ERC2: variants seen among roughly 807,000 people sequenced by gnomAD.
ERC2 encodes ELKS/RAB6-interacting/CAST family member 2, also known as ERC protein 2.
ERC2 carries 42 observed loss-of-function variants against 114.8 expected under a neutral mutation model. The observed-to-expected ratio is 0.37, with a 90% CI of 0.29 to 0.47. The LOEUF (loss-of-function observed/expected upper bound fraction) is 0.47. Among genes scored for constraint, ERC2 ranks in the 20% least tolerant of loss-of-function variants. ERC2 has a pLI of 0.99. For synonymous variants in ERC2, 454 were observed against 425.5 expected (o/e 1.07, Z -0.82); for missense variants, 939 against 1,150.7 (o/e 0.82, Z 2.66).
chr3:56,218,391 G>T (rs1047805570), intron 3 of ERC2, among the ~76,000 whole-genome samples: 95 of 152,302 alleles, frequency 6.2e-4, no homozygotes, highest in African/African-American at 2.2e-3. Context: ...ATGAAAAAAT[G>T]CTCATCATCA....
chr3:56,262,572 T>C (rs2053014054), intron 3 of ERC2, among the ~76,000 whole-genome samples: 1 of 152,244 alleles, frequency 6.6e-6, no homozygotes, highest in Non-Finnish European at 1.5e-5. Flanking sequence ...TCATGGTAGC[T>C]GTCAATTTTA....
At chr3:56,455,277 C>A (rs551950511) in intron 1 of ERC2, among the ~76,000 whole-genome samples, 2 of 148,782 alleles carry the variant, frequency 1.3e-5, no homozygotes, top group African/African-American at 5.1e-5. Context: ...GAAAAAAAAA[C>A]AACTGACATG....
chr3:56,319,557 ACTTTACACCTATAG>A (rs1301120526), intron 2 of ERC2, among the ~76,000 whole-genome samples: 1 of 152,182 alleles, frequency 6.6e-6, no homozygotes, highest in East Asian at 1.9e-4. Flanking sequence ...CTGCTGCACA[ACTTTACACCTATAG>A]CTAACCATAT....
intron 6 of ERC2, among the ~76,000 whole-genome samples, chr3:56,088,910 T>G (rs1256691923): frequency 6.6e-6 from 1 of 152,182 alleles, no homozygotes; most frequent in Non-Finnish European, 1.5e-5. Flanking sequence ...TTTCACAGCC[T>G]CTAATTCAGT....
At chr3:56,129,047 T>A (rs574434243) in intron 6 of ERC2, among the ~76,000 whole-genome samples, 1 of 152,352 alleles carries the variant, frequency 6.6e-6, no homozygotes, top group South Asian at 2.1e-4. Context: ...CTTGCAATAA[T>A]GCCAAACTCC....
chr3:56,139,788 A>T (rs775179150), intron 5 of ERC2, 112 bp from the exon 6 acceptor site: 14 of 1,181,094 alleles, frequency 1.2e-5, no homozygotes, highest in African/African-American at 3.1e-5. Flanking sequence ...ATAATCCAAC[A>T]AGGCAGGCCA....
At chr3:56,467,044 C>T (rs529300140) in intron 1 of ERC2, 1 of 152,250 alleles carries the variant, frequency 6.6e-6, no homozygotes, top group South Asian at 2.1e-4. Context: ...ATGGGGAGGA[C>T]AAGGAAACAC....
At chr3:55,948,970 CTT>C (rs1263289464) in intron 13 of ERC2, among the ~76,000 whole-genome samples, 1 of 152,182 alleles carries the variant, frequency 6.6e-6, no homozygotes, top group African/African-American at 2.4e-5. Flanking sequence ...TGCCTTGACT[CTT>C]TAACTCTCAC....
intron 17 of ERC2, among the ~76,000 whole-genome samples, chr3:55,528,891 G>C (rs1559602957): frequency 6.6e-6 from 1 of 152,180 alleles, no homozygotes. Flanking sequence ...GGGGTGGGGA[G>C]GGATATGGGG....
At chr3:56,036,571 C>A (rs1337666449) in intron 7 of ERC2, among the ~76,000 whole-genome samples, 4 of 152,080 alleles carry the variant, frequency 2.6e-5, no homozygotes, top group Non-Finnish European at 5.9e-5. Flanking sequence ...GCTGAGGTAT[C>A]CAGGTTCTCT....
intron 1 of ERC2, among the ~76,000 whole-genome samples, chr3:56,467,591 C>T (rs1331123187): frequency 6.6e-6 from 1 of 151,996 alleles, no homozygotes; most frequent in Non-Finnish European, 1.5e-5. Flanking sequence ...GTAAGTATCC[C>T]TTTTTTTGTA....
chr3:55,597,377 G>A (rs570577438), intron 17 of ERC2, among the ~76,000 whole-genome samples: 20 of 147,200 alleles, frequency 1.4e-4, no homozygotes, highest in African/African-American at 4.3e-4. Flanking sequence ...CCCAGACCGC[G>A]CCACTGCACT....
chr3:55,698,546 T>A (rs2063054800), intron 16 of ERC2, among the ~76,000 whole-genome samples: 1 of 152,204 alleles, frequency 6.6e-6, no homozygotes, highest in Admixed American at 6.5e-5. Flanking sequence ...GAGTGCATAC[T>A]TATCCAGATG....
intron 14 of ERC2, 28 bp from the exon 15 acceptor site, chr3:55,734,946 T>C (rs2065529181): frequency 6.7e-7 from 1 of 1,500,588 alleles, no homozygotes. Flanking sequence ...ATTGAGATCA[T>C]TTTTGTAAAA....
chr3:56,131,583 G>A (rs567703302), intron 6 of ERC2, among the ~76,000 whole-genome samples: 2 of 152,256 alleles, frequency 1.3e-5, no homozygotes, highest in East Asian at 3.9e-4. Flanking sequence ...TTTGAAGGCT[G>A]AACTGATTAA....
At chr3:55,518,266 A>G (rs2052672068) in intron 17 of ERC2, among the ~76,000 whole-genome samples, 1 of 152,234 alleles carries the variant, frequency 6.6e-6, no homozygotes, top group Admixed American at 6.5e-5. Flanking sequence ...TGTACAGTAT[A>G]TGCATACATG....
chr3:56,002,753 T>A (rs1336810284), intron 10 of ERC2, among the ~76,000 whole-genome samples: 1 of 152,158 alleles, frequency 6.6e-6, no homozygotes, highest in Non-Finnish European at 1.5e-5. Flanking sequence ...ATTTTACAAA[T>A]GTTGTTATCC....
intron 14 of ERC2, among the ~76,000 whole-genome samples, chr3:55,829,988 AC>A (rs1219793590): frequency 2.6e-5 from 4 of 152,360 alleles, no homozygotes; most frequent in African/African-American, 9.6e-5. Flanking sequence ...GGAGAAACAA[AC>A]AAACAAACAA....
rs557853198 is a variant in ERC2, at chr3:56,022,994, A to G, written c.1642-3963T>C. 4.6e-5 allele frequency among the ~76,000 whole-genome samples: 7 copies of G among 152,218 alleles called. No individual in the cohort carries two copies. In the South Asian group the frequency reaches 1.5e-3, roughly 32 times the overall value. On this transcript the variant is annotated intron_variant, in intron 7 of 17. Transcript: ENST00000288221. ...CTCAGACCCTGGAGGTCACTTGACA[A>G]CCCTAATCCTAATGGCTTTAGCTGA...
Sources: allele counts gnomAD v4.1 joint callset (sites outside exome capture counted in the v4.1 genomes callset), GRCh38; gene constraint gnomAD v4.1.1; transcripts MANE v1.5; gene names NCBI Gene and HGNC (gene_info 2026-07-23, HGNC 2026-07-21).